The following GRAMD1B variants were observed in gnomAD, a reference collection of about 807,000 sequenced individuals.
GRAMD1B encodes GRAM domain containing 1B, also known as protein Aster-B.
A neutral mutation model predicts 99.7 loss-of-function variants in GRAMD1B; 37 were observed. The observed-to-expected ratio is 0.37, with a 90% CI of 0.29 to 0.49. The LOEUF (loss-of-function observed/expected upper bound fraction) is 0.49, where lower values mean the gene tolerates loss of function less well. GRAMD1B is among the 20% of genes least tolerant of loss of function. The pLI is 0.98. For missense variants in GRAMD1B, 888 were observed against 1,009.2 expected, an observed-to-expected ratio of 0.88 and a Z score of 1.63; for synonymous variants, 427 against 387.6, an observed-to-expected ratio of 1.10 and a Z score of -1.19.
intron 1 of GRAMD1B, among the ~76,000 whole-genome samples, chr11:123,420,663 C>T (rs1411979829): frequency 7.2e-5 from 11 of 152,156 alleles, no homozygotes; most frequent in Non-Finnish European, 1.5e-4. Context: ...AATTGCAAAT[C>T]AACTACATGT....
At chr11:123,432,378 G>A (rs1050591110) in intron 1 of GRAMD1B, among the ~76,000 whole-genome samples, 1 of 152,044 alleles carries the variant, frequency 6.6e-6, no homozygotes, top group Non-Finnish European at 1.5e-5. Context: ...CCAACATGGC[G>A]AAACTCCATT....
chr11:123,436,935 G>A (rs1163466392), intron 1 of GRAMD1B, among the ~76,000 whole-genome samples: 1 of 152,110 alleles, frequency 6.6e-6, no homozygotes, highest in Non-Finnish European at 1.5e-5. Flanking sequence ...CCTGGTGTGT[G>A]ATGTTCCCCT....
intron 1 of GRAMD1B, among the ~76,000 whole-genome samples, chr11:123,413,770 A>G (rs971957215): frequency 3.3e-5 from 5 of 151,814 alleles, no homozygotes; most frequent in African/African-American, 1.2e-4. Context: ...CAAGCTCCCG[A>G]TGGGAGGCAG....
rs1405230213 is a variant in GRAMD1B at position 123,430,857 on chromosome 11, G to A, written c.65G>A (p.Gly22Asp). Residue 22 changes from glycine (G) to aspartate (D), a missense_variant, in exon 1 of 20, where the codon GGT becomes GAT. Transcript: ENST00000635736. Reference sequence around the variant, plus strand: ...GCCCTGCAGGTGCCCGAGCCGCAGGGTGCGCCCGAGGGCAGCCCGGTCTGG... The same window carrying A: ...GCCCTGCAGGTGCCCGAGCCGCAGGATGCGCCCGAGGGCAGCCCGGTCTGG... ...LPALQVPEPQ[G>D]APEGSPVWSS... 2.9e-6 allele frequency: 2 copies of A among 701,260 alleles called. No homozygotes were observed. Among genetic ancestry groups the A allele is most frequent in the Non-Finnish European group, 5.2e-6 (2 of 384,310 alleles). The allele number at this position is 701,260 out of a possible 1,614,324, so 43.4% of individuals were successfully genotyped here. A position where few individuals can be genotyped will look rare whatever the true frequency, so the allele number is the denominator to read the frequency against.
chr11:123,577,299 C>CACTG (rs1948819242), intron 2 of GRAMD1B, 68 bp from the exon 3 acceptor site: 1 of 1,341,058 alleles, frequency 7.5e-7, no homozygotes, highest in Non-Finnish European at 1.0e-6. Flanking sequence ...TGGCCTCGAT[C>CACTG]ACTGACTGCC....
intron 8 of GRAMD1B, among the ~76,000 whole-genome samples, chr11:123,601,480 A>C (rs1434462592): frequency 6.6e-6 from 1 of 151,812 alleles, no homozygotes; most frequent in African/African-American, 2.4e-5. Flanking sequence ...ACGCACCGAC[A>C]CACACACATA....
intron 11 of GRAMD1B, 47 bp downstream of exon 11, chr11:123,606,845 A>G (rs777910870): frequency 6.8e-7 from 1 of 1,462,618 alleles, no homozygotes; most frequent in Non-Finnish European, 9.5e-7. Context: ...TCTGTTTTGA[A>G]GGCTAAAAGG....
chr11:123,539,682 G>A lies in GRAMD1B; in HGVS notation c.453-37685G>A, dbSNP rs374422269. On this transcript the variant is annotated intron_variant, in intron 2 of 19. Transcript: ENST00000635736. ...ATACAGTTGACACCCTGAACGGCAT[G>A]CAGGGTGTTCTCTTGGCTGTCCCCA... Among the ~76,000 whole-genome samples the A allele has an allele frequency of 2.6e-5, 4 of 152,162 alleles. 1 individual carries two copies. In the South Asian group the frequency reaches 6.2e-4, roughly 24 times the overall value.
intron 1 of GRAMD1B, among the ~76,000 whole-genome samples, chr11:123,407,316 A>G (rs1177193229): frequency 6.6e-6 from 1 of 151,822 alleles, no homozygotes; most frequent in Non-Finnish European, 1.5e-5. Flanking sequence ...CCATTCACTG[A>G]AAGGCAGTTC....
At chr11:123,554,574 G>T (rs1457437648) in intron 2 of GRAMD1B, among the ~76,000 whole-genome samples, 3 of 151,842 alleles carry the variant, frequency 2.0e-5, no homozygotes, top group Non-Finnish European at 4.4e-5. Context: ...GCCGGACATG[G>T]TGGTGTGTGC....
At chr11:123,414,724 T>C (rs1477993001) in intron 1 of GRAMD1B, among the ~76,000 whole-genome samples, 1 of 152,228 alleles carries the variant, frequency 6.6e-6, no homozygotes, top group Non-Finnish European at 1.5e-5. Flanking sequence ...AAGATTTTGC[T>C]GTGTTTTGTT....
intron 1 of GRAMD1B, among the ~76,000 whole-genome samples, chr11:123,407,965 T>C (rs1033085702): frequency 6.6e-6 from 1 of 152,224 alleles, no homozygotes; most frequent in Non-Finnish European, 1.5e-5. Flanking sequence ...TGAGGTTTTT[T>C]GTTATGATGA....
At position 123,620,156 on chromosome 11, in the gene GRAMD1B, G is replaced by A. The variant is rs1003874675; in HGVS notation, c.2544+932G>A. On this transcript the variant is annotated intron_variant, in intron 19 of 19. Coordinates refer to ENST00000635736, the MANE Select transcript of GRAMD1B (RefSeq NM_001387025.1). ...CATTAATATTAAACTTTGTTTCCTT[G>A]CATTGTTTGGTCTTAGCTCTAAGTA... 5.3e-5 allele frequency among the ~76,000 whole-genome samples: 8 copies of A among 152,126 alleles called. No individual in the cohort carries two copies. In the South Asian group the frequency reaches 1.7e-3, roughly 32 times the overall value.
intron 1 of GRAMD1B, among the ~76,000 whole-genome samples, chr11:123,468,856 C>T (rs1591625062): frequency 6.6e-6 from 1 of 150,796 alleles, no homozygotes; most frequent in East Asian, 2.0e-4. Flanking sequence ...GGGTGGTGGT[C>T]ACCAAGGAAG....
intron 1 of GRAMD1B, among the ~76,000 whole-genome samples, chr11:123,435,192 T>A (rs190068442): frequency 2.0e-5 from 3 of 152,268 alleles, no homozygotes; most frequent in Admixed American, 1.3e-4. Context: ...TGCTCTGGCC[T>A]GGATTAGGGA....
chr11:123,374,441 T>C (rs568757255), intron 1 of GRAMD1B, among the ~76,000 whole-genome samples: 2 of 152,236 alleles, frequency 1.3e-5, no homozygotes, highest in Admixed American at 1.3e-4. Context: ...CAAACATGGG[T>C]ATCATTAAGG....
intron 1 of GRAMD1B, among the ~76,000 whole-genome samples, chr11:123,424,429 C>T (rs1309293052): frequency 6.6e-6 from 1 of 152,074 alleles, no homozygotes; most frequent in Non-Finnish European, 1.5e-5. Context: ...ACCAGAAGTT[C>T]AAGACAAGCC....
intron 10 of GRAMD1B, among the ~76,000 whole-genome samples, chr11:123,606,017 G>C (rs75111500): frequency 2.0e-5 from 3 of 151,838 alleles, no homozygotes; most frequent in Non-Finnish European, 2.9e-5. Context: ...AGAGGGTCAG[G>C]GCATGTGCTG....
chr11:123,577,452 G>A lies in GRAMD1B; in HGVS notation c.538G>A (p.Asp180Asn). Residue 180 changes from aspartate to asparagine, a missense_variant, in exon 3 of 20, where the codon GAC becomes AAC. Transcript: ENST00000635736. The part of the protein sequence containing the change: ...RSRSPTPQNQ[D>N]GDTMVEKGSD... The stretch of plus-strand genomic sequence containing the variant: ...TCGCTCGCCAACCCCGCAGAACCAG[G>A]ACGGAGACACCATGGTGGAGAAGGG... 6.2e-7 allele frequency: 1 copy of A among 1,604,276 alleles called. No individual in the cohort carries two copies. The highest frequency in any genetic ancestry group is 8.5e-7 in the Non-Finnish European group (1 of 1,175,674).
Sources: gnomAD v4.1 joint callset for allele counts (sites outside exome capture counted in the v4.1 genomes callset) on GRCh38, gnomAD v4.1.1 for gene constraint, MANE v1.5 for transcripts, NCBI Gene and HGNC (gene_info 2026-07-23, HGNC 2026-07-21) for gene names.